Variants in LRRC4C observed in about 807,000 individuals in gnomAD.
The protein encoded by LRRC4C is leucine-rich repeat-containing protein 4C.
In LRRC4C, 5 loss-of-function variants were observed where a neutral mutation model predicts 33.6. The observed-to-expected ratio is 0.15, with a 90% CI of 0.08 to 0.31. The LOEUF is 0.31. Among genes scored for constraint, LRRC4C ranks in the 10% least tolerant of loss-of-function variants. LRRC4C has a pLI of 1.00. For synonymous variants in LRRC4C, 329 were observed against 302.0 expected (o/e 1.09, Z -0.93); for missense variants, 560 against 796.7 (o/e 0.70, Z 3.58).
intron 1 of LRRC4C, among the ~76,000 whole-genome samples, chr11:41,020,785 T>A (rs946341468): frequency 5.3e-5 from 8 of 152,190 alleles, no homozygotes; most frequent in Non-Finnish European, 2.9e-5. Context: ...GTTCTTCTTT[T>A]AGTTGGGACT....
At chr11:40,583,270 C>T (rs762046361) in intron 3 of LRRC4C, among the ~76,000 whole-genome samples, 5 of 152,158 alleles carry the variant, frequency 3.3e-5, no homozygotes, top group Non-Finnish European at 7.3e-5. Context: ...TTTCCTCTTA[C>T]TCACTCTTCA....
chr11:41,208,972 G>A (rs1843780), intron 1 of LRRC4C, among the ~76,000 whole-genome samples: 2 of 151,890 alleles, frequency 1.3e-5, no homozygotes, highest in Non-Finnish European at 2.9e-5. Flanking sequence ...TTGGAGTGCA[G>A]AGAGGCCAGC....
chr11:41,036,852 C>T (rs1394951137), intron 1 of LRRC4C, among the ~76,000 whole-genome samples: 5 of 152,042 alleles, frequency 3.3e-5, no homozygotes, highest in East Asian at 1.9e-4. Flanking sequence ...TTTTCACTAG[C>T]GGGGGAAGGT....
At chr11:40,862,488 T>C (rs1954152059) in intron 2 of LRRC4C, among the ~76,000 whole-genome samples, 1 of 152,202 alleles carries the variant, frequency 6.6e-6, no homozygotes, top group Non-Finnish European at 1.5e-5. Flanking sequence ...CAAATATGCT[T>C]CTGTGGTTTT....
At chr11:40,544,182 G>C (rs1037359606) in intron 3 of LRRC4C, among the ~76,000 whole-genome samples, 8 of 152,076 alleles carry the variant, frequency 5.3e-5, no homozygotes, top group Non-Finnish European at 1.0e-4. Context: ...ACAGTTCTCT[G>C]TTGTGAACCA....
At chr11:41,047,357 T>A (rs1035707805) in intron 1 of LRRC4C, among the ~76,000 whole-genome samples, 2 of 152,130 alleles carry the variant, frequency 1.3e-5, no homozygotes, top group African/African-American at 4.8e-5. Flanking sequence ...TAACAAATGT[T>A]AGCAAGGATT....
chr11:40,306,147 A>T (rs1389293128), intron 4 of LRRC4C, among the ~76,000 whole-genome samples: 2 of 152,328 alleles, frequency 1.3e-5, no homozygotes, highest in Admixed American at 1.3e-4. Context: ...GTATAGCAAC[A>T]TTAATGTTAA....
chr11:41,338,068 A>T (rs1436214065), intron 1 of LRRC4C, among the ~76,000 whole-genome samples: 1 of 152,196 alleles, frequency 6.6e-6, no homozygotes, highest in Non-Finnish European at 1.5e-5. Context: ...GAAATGGGAA[A>T]GCTTTTACAC....
intron 4 of LRRC4C, among the ~76,000 whole-genome samples, chr11:40,276,173 G>A (rs544759889): frequency 1.3e-4 from 20 of 152,066 alleles, no homozygotes; most frequent in Non-Finnish European, 2.4e-4. Context: ...GATAAATAAC[G>A]TGATAAAGAT....
At chr11:40,614,547 C>G (rs1961565195) in intron 3 of LRRC4C, among the ~76,000 whole-genome samples, 1 of 145,796 alleles carries the variant, frequency 6.9e-6, no homozygotes, top group Non-Finnish European at 1.5e-5. Flanking sequence ...TGAAGTAGTA[C>G]TTGTAATTTT....
At chr11:41,118,787 T>C (rs1476719488) in intron 1 of LRRC4C, among the ~76,000 whole-genome samples, 1 of 152,158 alleles carries the variant, frequency 6.6e-6, no homozygotes, top group African/African-American at 2.4e-5. Context: ...TTGAGTGTTG[T>C]TAGACAATAA....
chr11:41,253,918 T>A (rs1369026841), intron 1 of LRRC4C, among the ~76,000 whole-genome samples: 1 of 152,096 alleles, frequency 6.6e-6, no homozygotes, highest in Non-Finnish European at 1.5e-5. Flanking sequence ...TTAATTTCCC[T>A]AAGCCCGTTC....
rs148857918 is a variant in LRRC4C, at chr11:41,399,256, C to T, written c.-496+60175G>A. ...TTTAAATATTGCCTTGATTTTGTCC[C>T]CTGTTCCCATAAAATGCTGCTGAAC... On this transcript the variant is annotated intron_variant, in intron 1 of 6. Transcript: ENST00000528697. 9.7e-3 allele frequency among the ~76,000 whole-genome samples: 1,473 copies of T among 151,948 alleles called. 25 individuals are homozygous for T. The highest frequency in any genetic ancestry group is 0.033 in the African/African-American group (1,371 of 41,506).
Position 40,877,729 on chromosome 11 carries a change from T to C in LRRC4C, c.-407+55906A>G, listed in dbSNP as rs139314518. On this transcript the variant is annotated intron_variant, in intron 2 of 6. Coordinates refer to ENST00000528697, the MANE Select transcript of LRRC4C (RefSeq NM_001258419.2). Reference sequence around the variant, plus strand: ...AGACACATTTGACGAAGTGGTGGCCTTCAATATTGCTTCTGTTCTTCATGT... The same window carrying C: ...AGACACATTTGACGAAGTGGTGGCCCTCAATATTGCTTCTGTTCTTCATGT... Among the ~76,000 whole-genome samples, 393 of 152,280 alleles carry C rather than the reference T, an allele frequency of 2.6e-3. 1 individual carries two copies. The highest frequency in any genetic ancestry group is 9.2e-3 in the African/African-American group (384 of 41,560).
At chr11:40,866,447 T>C (rs7934166) in intron 2 of LRRC4C, among the ~76,000 whole-genome samples, 1,966 of 152,270 alleles carry the variant, frequency 0.013, 40 homozygotes, top group African/African-American at 0.044. Context: ...ATAATTAAGA[T>C]GGCATGATCC....
intron 5 of LRRC4C, among the ~76,000 whole-genome samples, chr11:40,161,679 C>G (rs982874224): frequency 6.6e-6 from 1 of 151,974 alleles, no homozygotes; most frequent in Non-Finnish European, 1.5e-5. Flanking sequence ...TGCTTGAACC[C>G]GGGAGGTGGA....
chr11:41,437,679 G>A (rs999940895), intron 1 of LRRC4C, among the ~76,000 whole-genome samples: 1 of 152,000 alleles, frequency 6.6e-6, no homozygotes, highest in African/African-American at 2.4e-5. Flanking sequence ...TTCTGTTTTT[G>A]TTAACTATAA....
chr11:41,330,225 G>T lies in LRRC4C; in HGVS notation c.-496+129206C>A, dbSNP rs78910687. 3.7e-3 allele frequency among the ~76,000 whole-genome samples: 558 copies of T among 152,268 alleles called. 3 individuals carry two copies. The highest frequency in any genetic ancestry group is 0.012 in the African/African-American group (518 of 41,564). On this transcript the variant is annotated intron_variant, in intron 1 of 6. Coordinates refer to ENST00000528697, the MANE Select transcript of LRRC4C (RefSeq NM_001258419.2). ...TTACTTCCTTATTGTAACTGTGCAGGAGGATTTATATATTGAAATACATAT... is the reference window on the plus strand; with the variant it reads ...TTACTTCCTTATTGTAACTGTGCAGTAGGATTTATATATTGAAATACATAT...
intron 1 of LRRC4C, among the ~76,000 whole-genome samples, chr11:41,235,202 G>A (rs1422337194): frequency 6.6e-6 from 1 of 151,992 alleles, no homozygotes; most frequent in East Asian, 1.9e-4. Context: ...ATACAAATTT[G>A]CATATGCATT....
Sources: allele counts gnomAD v4.1 joint callset (sites outside exome capture counted in the v4.1 genomes callset), GRCh38; gene constraint gnomAD v4.1.1; transcripts MANE v1.5; gene names NCBI Gene and HGNC (gene_info 2026-07-23, HGNC 2026-07-21).